The following ABCC11 variants were observed in gnomAD, a reference collection of about 807,000 sequenced individuals.
The protein encoded by ABCC11 is ATP-binding cassette sub-family C member 11.
Under a neutral mutation model 149.3 loss-of-function variants are expected in ABCC11, and 135 were observed. The ratio of observed to expected loss-of-function variants is 0.90; its 90% CI spans 0.79 to 1.04. The LOEUF (loss-of-function observed/expected upper bound fraction) is 1.04, where lower values mean the gene tolerates loss of function less well. Ranked by LOEUF, ABCC11 falls within the 50% of genes least tolerant of loss-of-function variation. The probability of loss-of-function intolerance (pLI) is 0.00; values close to 1 mark genes in which losing one functional copy is unlikely to be tolerated. For synonymous variants in ABCC11, 665 were observed against 671.4 expected (o/e 0.99, Z 0.15); for missense variants, 1,680 against 1,722.1 (o/e 0.98, Z 0.43).
rs748745969 is a variant in ABCC11, at chr16:48,176,885, G to A, written c.3538+39C>T. ...ATAGGTCTAGTGCCCAAAGGGCAAA[G>A]GAGGAGCTGGGGACGCTCGCCCAGG... On this transcript the variant is annotated intron_variant, in intron 25 of 29. Transcript: ENST00000356608. 5 of 1,600,448 alleles carry A rather than the reference G, an allele frequency of 3.1e-6. No homozygotes were observed. In the South Asian group the frequency reaches 5.6e-5, roughly 18 times the overall value.
intron 26 of ABCC11, among the ~76,000 whole-genome samples, chr16:48,173,008 G>C (rs1965817071): frequency 6.6e-6 from 1 of 152,186 alleles, no homozygotes; most frequent in African/African-American, 2.4e-5. Flanking sequence ...TGTGTGTAGG[G>C]CTAATGTGTA....
intron 1 of ABCC11, among the ~76,000 whole-genome samples, chr16:48,238,934 TAAAAAAAAAAA>T (rs3048246): frequency 2.5e-5 from 1 of 40,576 alleles, no homozygotes; most frequent in Admixed American, 2.9e-4. Context: ...AGACTCTGTC[TAAAAAAAAAAA>T]AAAAAAAAAA....
At chr16:48,201,035 C>G (rs552890359) in intron 14 of ABCC11, among the ~76,000 whole-genome samples, 1 of 152,000 alleles carries the variant, frequency 6.6e-6, no homozygotes, top group Non-Finnish European at 1.5e-5. Flanking sequence ...TTTTTCAAAA[C>G]GTGGTTAGTA....
rs543826179 is a variant in ABCC11, at chr16:48,241,433, T to C, written c.-19+5881A>G. 2.6e-5 allele frequency among the ~76,000 whole-genome samples: 4 copies of C among 152,234 alleles called. No homozygotes were observed. In the South Asian group the frequency reaches 8.3e-4, roughly 32 times the overall value. On this transcript the variant is annotated intron_variant, in intron 1 of 29. Transcript: ENST00000356608. ...TGGAAGAACATTCCATGCTCATGGA[T>C]AGGAAGAATCAATATCGTGAAAATG...
intron 12 of ABCC11, among the ~76,000 whole-genome samples, chr16:48,205,972 G>A (rs5017203): frequency 0.088 from 13,386 of 152,104 alleles, 597 homozygotes; most frequent in Middle Eastern, 0.12. Flanking sequence ...CACCACGCCC[G>A]GCTAATTTTT....
chr16:48,205,562 A>G, intron 12 of ABCC11, 25 bp from the exon 13 acceptor site: 1 of 1,611,754 alleles, frequency 6.2e-7, no homozygotes, highest in Non-Finnish European at 8.5e-7. Flanking sequence ...GTCCAGCCTC[A>G]GGACCAATTG....
intron 17 of ABCC11, among the ~76,000 whole-genome samples, chr16:48,196,878 C>G (rs1461934949): frequency 6.6e-6 from 1 of 152,200 alleles, no homozygotes; most frequent in Non-Finnish European, 1.5e-5. Context: ...ACAAACATCA[C>G]GACAGTGACT....
intron 6 of ABCC11, among the ~76,000 whole-genome samples, chr16:48,221,593 T>C (rs1969741737): frequency 6.6e-6 from 1 of 152,244 alleles, no homozygotes; most frequent in African/African-American, 2.4e-5. Context: ...CCATCAAGTC[T>C]TCCCATACCC....
chr16:48,199,938 A>G (rs577939413), intron 15 of ABCC11, among the ~76,000 whole-genome samples: 165 of 152,106 alleles, frequency 1.1e-3, no homozygotes, highest in African/African-American at 3.6e-3. Context: ...GGCCTCCCAA[A>G]GTGCTGGGAT....
rs1243840119 is a variant in ABCC11 at position 48,166,852 on chromosome 16, A to AAG, written c.*420_*421dup. The AAG allele has an allele frequency of 1.2e-5, 2 of 166,672 alleles. No homozygotes were observed. Among genetic ancestry groups the AAG allele is most frequent in the African/African-American group, 4.8e-5 (2 of 41,560 alleles). 10.3% of individuals were successfully genotyped at this position (166,672 alleles called of 1,614,324 possible). On this transcript the variant is annotated 3_prime_UTR_variant, in exon 30 of 30. Transcript: ENST00000356608. ...TGCGCTCCAGCCTGGGCAACAGAGC[A>AAG]AGACCCTGTCTAAAAAAACAAAAAG...
At position 48,231,814 on chromosome 16, in the gene ABCC11, T is replaced by G; in HGVS notation, c.99+9A>C. 6.2e-7 allele frequency: 1 copy of G among 1,613,866 alleles called. No homozygotes were observed. Among genetic ancestry groups the G allele is most frequent in the Non-Finnish European group, 8.5e-7 (1 of 1,179,856 alleles). On this transcript the variant is annotated intron_variant, in intron 2 of 29. Coordinates refer to ENST00000356608, the MANE Select transcript of ABCC11 (RefSeq NM_001370497.1). ...TTCCTGGTGTGCTGATGCTAAGAGA[T>G]CTACTTACATAAATAAGTCCTGAAA...
At chr16:48,186,512 C>T (rs566034054) in intron 22 of ABCC11, among the ~76,000 whole-genome samples, 5 of 152,260 alleles carry the variant, frequency 3.3e-5, no homozygotes, top group Admixed American at 3.3e-4. Context: ...GACTTGTTTG[C>T]TTGTTTGTTT....
At chr16:48,215,646 A>T (rs1325424591) in intron 7 of ABCC11, among the ~76,000 whole-genome samples, 1 of 152,242 alleles carries the variant, frequency 6.6e-6, no homozygotes, top group African/African-American at 2.4e-5. Flanking sequence ...ACTCAGGAAA[A>T]CACTCAATTT....
intron 23 of ABCC11, among the ~76,000 whole-genome samples, chr16:48,183,819 C>A (rs1966592045): frequency 6.6e-6 from 1 of 152,186 alleles, no homozygotes; most frequent in Admixed American, 6.5e-5. Context: ...GACTCAGAAT[C>A]TCTATGGCTG....
chr16:48,218,492 C>T (rs187572995), intron 6 of ABCC11, among the ~76,000 whole-genome samples: 7 of 152,278 alleles, frequency 4.6e-5, no homozygotes, highest in East Asian at 1.9e-4. Flanking sequence ...GATTTGAGAA[C>T]GGTGCTAGAT....
At chr16:48,171,706 G>A (rs1176419069) in intron 26 of ABCC11, among the ~76,000 whole-genome samples, 3 of 152,200 alleles carry the variant, frequency 2.0e-5, no homozygotes, top group South Asian at 2.1e-4. Flanking sequence ...GTTCACACCT[G>A]TAATCCCAGC....
Position 48,222,605 on chromosome 16 carries a change from G to A in ABCC11, c.770C>T (p.Ser257Leu). 3 of 1,613,894 alleles carry A rather than the reference G, an allele frequency of 1.9e-6. No individual in the cohort carries two copies. The South Asian group carries it at 3.3e-5, about 18-fold the overall frequency. Residue 257 changes from serine to leucine, a missense_variant, in exon 6 of 30, where the codon TCA becomes TTA. Transcript: ENST00000356608. The stretch of plus-strand genomic sequence containing the variant: ...GCAGTCCCAGCTGCTTACCTCTCCT[G>A]AGGTGATGTGTATTACAGACTTAAA... ...IQFKSVIHIT[S>L]GEAISFFTGD...
chr16:48,183,032 C>T lies in ABCC11; in HGVS notation c.3258+1408G>A, dbSNP rs145336507. Among the ~76,000 whole-genome samples the T allele has an allele frequency of 5.3e-4, 80 of 152,312 alleles. 1 individual carries two copies. The East Asian group carries it at 0.014, about 26-fold the overall frequency. ...GGAATAAATGCTCAATGAATATTAG[C>T]TATTATTGTTCCTGTCTTACAAATA... On this transcript the variant is annotated intron_variant, in intron 23 of 29. Transcript: ENST00000356608.
chr16:48,234,972 G>A lies in ABCC11; in HGVS notation c.-18-3033C>T, dbSNP rs112713492. ...TGACAACTCCTAGACAGAGCCTTTA[G>A]TGAGAATTATTTGATAAAATGACTT... On this transcript the variant is annotated intron_variant, in intron 1 of 29. Transcript: ENST00000356608. Among the ~76,000 whole-genome samples the A allele has an allele frequency of 7.5e-3, 1,147 of 152,324 alleles. 16 individuals carry two copies. Among genetic ancestry groups the A allele is most frequent in the African/African-American group, 0.026 (1,079 of 41,562 alleles).
Sources: gnomAD v4.1 joint callset for allele counts (sites outside exome capture counted in the v4.1 genomes callset) on GRCh38, gnomAD v4.1.1 for gene constraint, MANE v1.5 for transcripts, NCBI Gene and HGNC (gene_info 2026-07-23, HGNC 2026-07-21) for gene names.